The following SCAI variants were observed in gnomAD, a reference collection of about 807,000 sequenced individuals.
SCAI encodes protein SCAI.
A neutral mutation model predicts 92.2 loss-of-function variants in SCAI; 24 were observed. The observed-to-expected ratio is 0.26, with a 90% CI of 0.19 to 0.37. SCAI has a LOEUF of 0.37. SCAI is among the 10% of genes least tolerant of loss of function. SCAI has a pLI of 1.00. For missense variants in SCAI, 450 were observed against 736.2 expected (o/e 0.61, Z 4.50); for synonymous variants, 261 against 258.6 (o/e 1.01, Z -0.09).
intron 3 of SCAI, among the ~76,000 whole-genome samples, chr9:125,032,961 T>C (rs1833111391): frequency 2.0e-5 from 3 of 152,166 alleles, no homozygotes; most frequent in Admixed American, 6.5e-5. Flanking sequence ...GAAGGCCATA[T>C]AAAGTAATGT....
At chr9:125,096,715 C>A (rs1225613010) in intron 2 of SCAI, among the ~76,000 whole-genome samples, 1 of 152,226 alleles carries the variant, frequency 6.6e-6, no homozygotes, top group Non-Finnish European at 1.5e-5. Context: ...GGGAACCCAA[C>A]CTGAGGCAGT....
intron 11 of SCAI, 139 bp from the exon 12 acceptor site, chr9:125,002,182 C>A: frequency 1.6e-6 from 1 of 636,726 alleles, no homozygotes. Context: ...AAACGCTCTT[C>A]TTGGTCCTGA....
At chr9:125,087,901 G>T (rs888323568) in intron 2 of SCAI, among the ~76,000 whole-genome samples, 1 of 152,142 alleles carries the variant, frequency 6.6e-6, no homozygotes, top group Admixed American at 6.5e-5. Context: ...GGTTAGGTGA[G>T]TGTGGATATA....
intron 2 of SCAI, among the ~76,000 whole-genome samples, chr9:125,108,484 GC>G (rs957453741): frequency 7.5e-5 from 11 of 146,788 alleles, no homozygotes; most frequent in African/African-American, 2.8e-4. Flanking sequence ...CTGCCCCGCC[GC>G]CCCGTCTGGG....
intron 14 of SCAI, among the ~76,000 whole-genome samples, chr9:124,976,831 A>T (rs1223206643): frequency 1.3e-5 from 2 of 152,144 alleles, no homozygotes; most frequent in East Asian, 3.8e-4. Context: ...AACATTTTTT[A>T]AAATACTCTT....
At chr9:125,040,058 A>G (rs1270775663) in intron 3 of SCAI, among the ~76,000 whole-genome samples, 1 of 152,224 alleles carries the variant, frequency 6.6e-6, no homozygotes, top group Non-Finnish European at 1.5e-5. Flanking sequence ...AAACACCACC[A>G]ATAAGAATGA....
chr9:125,007,221 T>C (rs1267716059), intron 9 of SCAI, among the ~76,000 whole-genome samples: 1 of 152,144 alleles, frequency 6.6e-6, no homozygotes, highest in African/African-American at 2.4e-5. Context: ...ATGATAATTT[T>C]AAAAGTGAGA....
chr9:125,108,255 CCGT>C (rs775816657), intron 2 of SCAI, among the ~76,000 whole-genome samples: 4 of 152,258 alleles, frequency 2.6e-5, no homozygotes, highest in Non-Finnish European at 4.4e-5. Context: ...AGCCGCCACC[CCGT>C]CTGGGAAGTG....
chr9:125,129,793 C>G (rs1327930645), intron 2 of SCAI, among the ~76,000 whole-genome samples: 1 of 151,490 alleles, frequency 6.6e-6, no homozygotes, highest in Non-Finnish European at 1.5e-5. Flanking sequence ...CATTTGCAAC[C>G]CTAATGAATT....
rs186531849 is a variant in SCAI, at chr9:125,091,837, C to T, written c.99-35830G>A. On this transcript the variant is annotated intron_variant, in intron 2 of 17. Transcript: ENST00000336505. This position sits in a 1 kb window ranked among gnomAD's most constrained non-coding sequence, Gnocchi z 4.3. ...CTAAAAAACAGAGGCTTGGGCCGGGCACAGTGGCTCACGCCTGTAATCCCA... is the reference window on the plus strand; with the variant it reads ...CTAAAAAACAGAGGCTTGGGCCGGGTACAGTGGCTCACGCCTGTAATCCCA... 2.8e-4 allele frequency among the ~76,000 whole-genome samples: 42 copies of T among 152,300 alleles called. No homozygotes were observed. Among genetic ancestry groups the T allele is most frequent in the African/African-American group, 9.1e-4 (38 of 41,570 alleles).
rs1170228498 is a variant in SCAI, at chr9:124,946,201, A to G, written c.*6606T>C. 1 of 152,220 alleles carries G rather than the reference A, an allele frequency of 6.6e-6. No individual in the cohort carries two copies. Among genetic ancestry groups the G allele is most frequent in the South Asian group, 2.1e-4 (1 of 4,834 alleles). The allele number at this position is 152,220 out of a possible 1,614,324, so 9.4% of individuals were successfully genotyped here. On this transcript the variant is annotated 3_prime_UTR_variant, in exon 18 of 18. Coordinates refer to ENST00000336505, the MANE Select transcript of SCAI (RefSeq NM_001144877.3). The surrounding 1 kb of genome is among the most constrained non-coding windows in gnomAD (Gnocchi z 4.0). ...AAAACAATGATTTGGTTATTCAAAC[A>G]ACAAACCATCAGATCCTATGGATGT...
intron 2 of SCAI, among the ~76,000 whole-genome samples, chr9:125,113,544 A>T (rs1834971270): frequency 6.6e-6 from 1 of 152,188 alleles, no homozygotes; most frequent in Non-Finnish European, 1.5e-5. Context: ...TATGAATTTC[A>T]GTTAAAAATT....
intron 2 of SCAI, among the ~76,000 whole-genome samples, chr9:125,133,538 C>G (rs1269911492): frequency 2.0e-5 from 3 of 152,108 alleles, no homozygotes; most frequent in African/African-American, 4.8e-5. Flanking sequence ...CAAATTAGCA[C>G]ATGAAAAGAT....
intron 11 of SCAI, among the ~76,000 whole-genome samples, chr9:125,002,745 A>C (rs1244264342): frequency 6.6e-6 from 1 of 151,774 alleles, no homozygotes; most frequent in Non-Finnish European, 1.5e-5. Context: ...TGGCCTCCCA[A>C]AGTGCTGGGA....
At chr9:125,031,403 A>G (rs1833072049) in intron 3 of SCAI, among the ~76,000 whole-genome samples, 1 of 152,100 alleles carries the variant, frequency 6.6e-6, no homozygotes, top group Admixed American at 6.5e-5. Flanking sequence ...CTGGGGCTAC[A>G]GGTGCCTGCC....
At position 125,032,196 on chromosome 9, in the gene SCAI, T is replaced by TATATA. The variant is rs1491338051; in HGVS notation, c.231-2458_231-2457insTATAT. ...ATATATATATATATATATATATATA[T>TATATA]TTTTTTTTTTTTTTGAGATGGAGTC... On this transcript the variant is annotated intron_variant, in intron 3 of 17. Coordinates refer to ENST00000336505, the MANE Select transcript of SCAI (RefSeq NM_001144877.3). 4.9e-3 allele frequency among the ~76,000 whole-genome samples: 322 copies of TATATA among 65,504 alleles called. 6 individuals carry two copies. The highest frequency in any genetic ancestry group is 0.042 in the Admixed American group (281 of 6,616). 43.0% of individuals were successfully genotyped at this position (65,504 alleles called of 152,430 possible).
At chr9:125,113,387 T>A (rs1834967735) in intron 2 of SCAI, among the ~76,000 whole-genome samples, 1 of 152,132 alleles carries the variant, frequency 6.6e-6, no homozygotes, top group East Asian at 1.9e-4. Context: ...CCCCTCAAAA[T>A]TTTCAAAGTC....
chr9:125,099,166 T>G (rs1388110977), intron 2 of SCAI, among the ~76,000 whole-genome samples: 3 of 152,216 alleles, frequency 2.0e-5, no homozygotes, highest in Non-Finnish European at 4.4e-5. Flanking sequence ...TTAGGAATTT[T>G]AAGAATACAT....
At chr9:124,971,212 AGCAGAC>A (rs1831651822) in intron 17 of SCAI, 152 bp downstream of exon 17, 1 of 451,012 alleles carries the variant, frequency 2.2e-6, no homozygotes, top group East Asian at 3.6e-5. Context: ...TTTTTTACTT[AGCAGAC>A]CAGTGTGACG....
Sources: gnomAD v4.1 joint callset for allele counts (sites outside exome capture counted in the v4.1 genomes callset) on GRCh38, gnomAD v4.1.1 for gene constraint, Gnocchi (gnomAD v3.1) non-coding constraint, MANE v1.5 for transcripts, NCBI Gene and HGNC (gene_info 2026-07-23, HGNC 2026-07-21) for gene names.